Variants in STON2 observed in about 807,000 individuals in gnomAD.
The protein encoded by STON2 is stonin 2.
Under a neutral mutation model 65.7 loss-of-function variants are expected in STON2, and 29 were observed. The observed-to-expected ratio is 0.44, with a 90% CI of 0.33 to 0.60. The LOEUF (loss-of-function observed/expected upper bound fraction) is 0.60. Among genes scored for constraint, STON2 ranks in the 20% least tolerant of loss-of-function variants. The pLI, the probability that STON2 is intolerant of heterozygous loss-of-function variation, is 0.03. For synonymous variants in STON2, 404 were observed against 414.2 expected (o/e 0.98, Z 0.30); for missense variants, 1,054 against 1,118.1 (o/e 0.94, Z 0.82).
chr14:81,353,537 A>G (rs1277361214), intron 4 of STON2, among the ~76,000 whole-genome samples: 1 of 152,246 alleles, frequency 6.6e-6, no homozygotes, highest in African/African-American at 2.4e-5. Context: ...AACCTCATGG[A>G]AAGGGTAAGA....
At chr14:81,354,347 T>A (rs1898139284) in intron 4 of STON2, among the ~76,000 whole-genome samples, 1 of 152,192 alleles carries the variant, frequency 6.6e-6, no homozygotes, top group Non-Finnish European at 1.5e-5. Flanking sequence ...CCAGCTGTCC[T>A]ATCGGAATCA....
intron 5 of STON2, among the ~76,000 whole-genome samples, chr14:81,297,333 T>C (rs1212736921): frequency 6.6e-6 from 1 of 152,126 alleles, no homozygotes; most frequent in Non-Finnish European, 1.5e-5. Flanking sequence ...AGAGGTTAGG[T>C]GACATGGCCA....
intron 4 of STON2, among the ~76,000 whole-genome samples, chr14:81,366,396 C>T (rs1267233299): frequency 2.0e-5 from 3 of 152,262 alleles, no homozygotes; most frequent in Non-Finnish European, 2.9e-5. Context: ...CCCAGAGCAC[C>T]GTAATCCCTC....
intron 5 of STON2, among the ~76,000 whole-genome samples, chr14:81,315,986 T>C (rs1275123076): frequency 1.3e-5 from 2 of 152,212 alleles, no homozygotes; most frequent in African/African-American, 4.8e-5. Flanking sequence ...TTCTGGGCCA[T>C]TATAATTATT....
At chr14:81,346,987 T>C (rs1897833099) in intron 4 of STON2, among the ~76,000 whole-genome samples, 1 of 151,786 alleles carries the variant, frequency 6.6e-6, no homozygotes, top group Non-Finnish European at 1.5e-5. Flanking sequence ...TAATTAACAA[T>C]GCATCTCAAG....
At position 81,261,210 on chromosome 14, in the gene STON2, C is replaced by CT. The variant is rs1376025227; in HGVS notation, c.*7203dup. The CT allele has an allele frequency of 2.0e-5, 3 of 152,390 alleles. No homozygotes were observed. In the East Asian group the frequency reaches 5.8e-4, roughly 29 times the overall value. The allele number at this position is 152,390 out of a possible 1,614,324, so 9.4% of individuals were successfully genotyped here. A position where few individuals can be genotyped will look rare whatever the true frequency, so the allele number is the denominator to read the frequency against. On this transcript the variant is annotated 3_prime_UTR_variant, in exon 8 of 8. Coordinates refer to ENST00000614646, the MANE Select transcript of STON2 (RefSeq NM_001394390.1). ...TATACATCTGCTTTCCCACAATGCT[C>CT]TGGTAGAATACCACTGGGGTTGCTG...
At chr14:81,307,431 A>T (rs1161566602) in intron 5 of STON2, among the ~76,000 whole-genome samples, 1 of 152,208 alleles carries the variant, frequency 6.6e-6, no homozygotes, top group Admixed American at 6.5e-5. Context: ...TTTTCTTTTT[A>T]AAAAAGGGAC....
intron 3 of STON2, among the ~76,000 whole-genome samples, chr14:81,386,549 C>T (rs972472853): frequency 2.0e-5 from 3 of 152,162 alleles, no homozygotes; most frequent in African/African-American, 7.2e-5. Flanking sequence ...TTAGCCCAAG[C>T]TTTTAGGGAA....
intron 5 of STON2, among the ~76,000 whole-genome samples, chr14:81,311,089 G>A (rs1231341680): frequency 3.3e-5 from 5 of 152,226 alleles, no homozygotes; most frequent in East Asian, 1.9e-4. Context: ...TGGAGAAGAC[G>A]GGAAAGTAAG....
At chr14:81,358,017 A>G (rs960294682) in intron 4 of STON2, among the ~76,000 whole-genome samples, 9 of 151,988 alleles carry the variant, frequency 5.9e-5, no homozygotes, top group African/African-American at 1.9e-4. Flanking sequence ...GTGCACATGT[A>G]CCCTAAAACT....
At chr14:81,274,173 T>C (rs576073365) in intron 6 of STON2, among the ~76,000 whole-genome samples, 1 of 152,282 alleles carries the variant, frequency 6.6e-6, no homozygotes, top group Admixed American at 6.5e-5. Context: ...TGAACTGGTA[T>C]GGAAACATAC....
chr14:81,278,597 A>G lies in STON2; in HGVS notation c.885T>C (p.Asn295=), dbSNP rs142269409. 1,572 of 1,601,456 alleles carry G rather than the reference A, an allele frequency of 9.8e-4. 4 individuals are homozygous for G. The highest frequency in any genetic ancestry group is 1.2e-3 in the Non-Finnish European group (1,452 of 1,173,052). The part of the protein sequence containing the change: ...RFPSWVTFDD[N]EVSCPLPPVT... ...CTGGTGGTAAAGGGCAGCTGACTTC[A>G]TTGTCATCAAAGGTGACCCAGCTGG... Residue 295 remains asparagine, a synonymous_variant, in exon 6 of 8, where the codon AAT becomes AAC. Coordinates refer to ENST00000614646, the MANE Select transcript of STON2 (RefSeq NM_001394390.1).
chr14:81,305,330 T>A (rs546774590), intron 5 of STON2, among the ~76,000 whole-genome samples: 20 of 152,366 alleles, frequency 1.3e-4, no homozygotes, highest in African/African-American at 4.8e-4. Context: ...CCACCCACTG[T>A]GTATATGTGT....
chr14:81,360,334 A>G (rs1220147513), intron 4 of STON2, among the ~76,000 whole-genome samples: 1 of 152,210 alleles, frequency 6.6e-6, no homozygotes, highest in Non-Finnish European at 1.5e-5. Flanking sequence ...TTCACCTATA[A>G]TTAAGTGGCA....
chr14:81,349,158 C>A (rs1269433502), intron 4 of STON2, among the ~76,000 whole-genome samples: 5 of 151,956 alleles, frequency 3.3e-5, no homozygotes, highest in Admixed American at 3.3e-4. Flanking sequence ...GTAGCAGAAA[C>A]ACCCCACGGC....
At chr14:81,416,166 A>G (rs1462866338) in intron 2 of STON2, among the ~76,000 whole-genome samples, 5 of 152,222 alleles carry the variant, frequency 3.3e-5, no homozygotes, top group Non-Finnish European at 7.3e-5. Context: ...ATCTAGTAGT[A>G]TCTACCTCAG....
rs1894268854 is a variant in STON2, at chr14:81,264,136, C to A, written c.*4278G>T. On this transcript the variant is annotated 3_prime_UTR_variant, in exon 8 of 8. Coordinates refer to ENST00000614646, the MANE Select transcript of STON2 (RefSeq NM_001394390.1). The stretch of plus-strand genomic sequence containing the variant: ...GACTTGCAGGAACAAAGCAATCAAT[C>A]ACCGTGACTATGGACAGCATCTATG... 1.0e-6 allele frequency: 1 copy of A among 985,302 alleles called. No homozygotes were observed. Among genetic ancestry groups the A allele is most frequent in the African/African-American group, 1.7e-5 (1 of 57,232 alleles). 61.0% of individuals were successfully genotyped at this position (985,302 alleles called of 1,614,324 possible). A position where few individuals can be genotyped will look rare whatever the true frequency, so the allele number is the denominator to read the frequency against.
At chr14:81,395,294 A>C (rs1165972486) in intron 3 of STON2, 1 of 152,450 alleles carries the variant, frequency 6.6e-6, no homozygotes, top group African/African-American at 2.4e-5. Flanking sequence ...CCCAGCCTGG[A>C]GTGCAGTGGC....
chr14:81,401,210 C>T (rs1900596965), upstream of STON2, among the ~76,000 whole-genome samples: 1 of 152,174 alleles, frequency 6.6e-6, no homozygotes, highest in African/African-American at 2.4e-5. Context: ...CTACAGTGCC[C>T]AGAAGGCAGA....
Sources: gnomAD v4.1 joint callset for allele counts (sites outside exome capture counted in the v4.1 genomes callset) on GRCh38, gnomAD v4.1.1 for gene constraint, MANE v1.5 for transcripts, NCBI Gene and HGNC (gene_info 2026-07-23, HGNC 2026-07-21) for gene names.